The following GRM7 variants were observed in gnomAD, a reference collection of about 807,000 sequenced individuals.
The protein encoded by GRM7 is glutamate metabotropic receptor 7.
A neutral mutation model predicts 84.5 loss-of-function variants in GRM7; 35 were observed. The ratio of observed to expected loss-of-function variants is 0.41; its 90% CI spans 0.32 to 0.55. The LOEUF (loss-of-function observed/expected upper bound fraction) is 0.55. GRM7 is among the 20% of genes least tolerant of loss of function. GRM7 has a pLI of 0.19. For missense variants in GRM7, 1,003 were observed against 1,194.6 expected (o/e 0.84, Z 2.36); for synonymous variants, 487 against 455.1 (o/e 1.07, Z -0.89).
intron 8 of GRM7, among the ~76,000 whole-genome samples, chr3:7,583,770 T>C (rs1340201699): frequency 6.6e-6 from 1 of 152,206 alleles, no homozygotes; most frequent in Non-Finnish European, 1.5e-5. Flanking sequence ...TAGGAAGCTA[T>C]ATATTAGTTT....
intron 1 of GRM7, among the ~76,000 whole-genome samples, chr3:7,103,749 C>CCTTTCTTTCTTTCTTTCTCTCTCTTT: frequency 1.0e-5 from 1 of 96,662 alleles, no homozygotes; most frequent in African/African-American, 5.3e-5. Context: ...TCTCTCTCTC[C>CCTTTCTTTCTTTCTTTCTCTCTCTTT]CTTTCTTTCT....
chr3:7,533,467 G>C (rs1435019455), intron 7 of GRM7, among the ~76,000 whole-genome samples: 1 of 152,142 alleles, frequency 6.6e-6, no homozygotes, highest in Non-Finnish European at 1.5e-5. Flanking sequence ...AGACCACAAT[G>C]TACCAGAATC....
At chr3:7,637,720 A>T (rs1698164615) in intron 8 of GRM7, among the ~76,000 whole-genome samples, 1 of 152,194 alleles carries the variant, frequency 6.6e-6, no homozygotes, top group African/African-American at 2.4e-5. Context: ...GTCAACCTGA[A>T]CAATGGTGTT....
intron 1 of GRM7, among the ~76,000 whole-genome samples, chr3:6,998,098 A>C (rs890473406): frequency 2.4e-5 from 3 of 122,474 alleles, no homozygotes; most frequent in Non-Finnish European, 3.6e-5. Context: ...CAGCCTGGGC[A>C]AAAACAGCAA....
intron 1 of GRM7, among the ~76,000 whole-genome samples, chr3:6,965,633 C>T (rs1019753470): frequency 6.6e-6 from 1 of 152,082 alleles, no homozygotes; most frequent in Non-Finnish European, 1.5e-5. Flanking sequence ...CCATACCTGG[C>T]CTCTCCTTTC....
chr3:6,879,743 AT>A (rs1695438562), intron 1 of GRM7, among the ~76,000 whole-genome samples: 1 of 152,222 alleles, frequency 6.6e-6, no homozygotes, highest in Non-Finnish European at 1.5e-5. Flanking sequence ...TGAGGTTAGA[AT>A]TCAGTATCGA....
At chr3:7,442,525 T>C (rs1436665793) in intron 5 of GRM7, among the ~76,000 whole-genome samples, 1 of 151,976 alleles carries the variant, frequency 6.6e-6, no homozygotes, top group East Asian at 1.9e-4. Context: ...ATAAAACTGA[T>C]GGTTCTGAAA....
intron 7 of GRM7, among the ~76,000 whole-genome samples, chr3:7,521,644 C>G (rs1348118415): frequency 6.6e-6 from 1 of 152,150 alleles, no homozygotes; most frequent in Non-Finnish European, 1.5e-5. Context: ...TGGACTAAGA[C>G]AATCATTATC....
intron 8 of GRM7, among the ~76,000 whole-genome samples, chr3:7,674,272 A>G (rs150337664): frequency 6.6e-6 from 1 of 151,872 alleles, no homozygotes; most frequent in East Asian, 1.9e-4. Context: ...GCTCACTGCA[A>G]CCTCTGCCTT....
At chr3:6,940,063 C>A (rs1575040667) in intron 1 of GRM7, among the ~76,000 whole-genome samples, 1 of 151,912 alleles carries the variant, frequency 6.6e-6, no homozygotes, top group African/African-American at 2.4e-5. Flanking sequence ...ATTTACATAG[C>A]ACTTTTGAAA....
At position 7,452,489 on chromosome 3, in the gene GRM7, G is replaced by A. The variant is rs192708059; in HGVS notation, c.1175-118G>A. On this transcript the variant is annotated intron_variant, in intron 5 of 9. Coordinates refer to ENST00000357716, the MANE Select transcript of GRM7 (RefSeq NM_000844.4). ...TGTGGCTTGAATTACTGTATTTATC[G>A]AAGCAGTGTTTTCTTTAAGCATAAT... 59 of 725,366 alleles carry A rather than the reference G, an allele frequency of 8.1e-5. No homozygotes were observed. In the African/African-American group the frequency reaches 8.2e-4, roughly 10 times the overall value. 44.9% of individuals were successfully genotyped at this position (725,366 alleles called of 1,614,324 possible).
At chr3:7,509,756 G>A (rs986331179) in intron 7 of GRM7, among the ~76,000 whole-genome samples, 91 of 152,014 alleles carry the variant, frequency 6.0e-4, no homozygotes, top group Non-Finnish European at 5.9e-5. Flanking sequence ...CGTGACAAGC[G>A]GGGCCAAGGC....
chr3:7,496,097 G>A (rs1017112778), intron 7 of GRM7, among the ~76,000 whole-genome samples: 1 of 152,156 alleles, frequency 6.6e-6, no homozygotes, highest in Non-Finnish European at 1.5e-5. Context: ...AAGCTTCTGG[G>A]CAGAGACCTG....
chr3:7,107,115 C>A (rs1247026000), intron 1 of GRM7, among the ~76,000 whole-genome samples: 1 of 151,992 alleles, frequency 6.6e-6, no homozygotes, highest in Non-Finnish European at 1.5e-5. Context: ...AGACTCAAAA[C>A]ATGTAACATT....
rs114626695 is a variant in GRM7 at position 7,437,061 on chromosome 3, C to T, written c.1175-15546C>T. Among the ~76,000 whole-genome samples, 191 of 152,236 alleles carry T rather than the reference C, an allele frequency of 1.3e-3. 2 individuals are homozygous for T. The highest frequency in any genetic ancestry group is 4.6e-3 in the African/African-American group (190 of 41,542). On this transcript the variant is annotated intron_variant, in intron 5 of 9. Coordinates refer to ENST00000357716, the MANE Select transcript of GRM7 (RefSeq NM_000844.4). ...AACTGTTATTTCCTTTCACACCAAC[C>T]CTGTAGCATGACTTTTATTATTCAT...
intron 1 of GRM7, among the ~76,000 whole-genome samples, chr3:6,896,453 G>T (rs145730143): frequency 2.0e-5 from 3 of 152,280 alleles, no homozygotes; most frequent in South Asian, 2.1e-4. Flanking sequence ...AATAGATTTT[G>T]CTTGATATAA....
intron 2 of GRM7, among the ~76,000 whole-genome samples, chr3:7,296,500 C>G (rs559189076): frequency 3.3e-5 from 5 of 152,138 alleles, no homozygotes; most frequent in Middle Eastern, 3.4e-3. Context: ...GTTAAACCAT[C>G]TGAGCCTGAA....
chr3:7,145,489 G>T (rs922776202), intron 1 of GRM7, among the ~76,000 whole-genome samples: 3 of 152,144 alleles, frequency 2.0e-5, no homozygotes, highest in Admixed American at 1.3e-4. Context: ...ATCCCAGGCA[G>T]ACATTTTTTT....
At chr3:6,938,683 C>T (rs1388786647) in intron 1 of GRM7, among the ~76,000 whole-genome samples, 1 of 152,102 alleles carries the variant, frequency 6.6e-6, no homozygotes, top group African/African-American at 2.4e-5. Context: ...TCTCACATTT[C>T]TTAATTGGAA....
Sources: allele counts gnomAD v4.1 joint callset (sites outside exome capture counted in the v4.1 genomes callset), GRCh38; gene constraint gnomAD v4.1.1; transcripts MANE v1.5; gene names NCBI Gene and HGNC (gene_info 2026-07-23, HGNC 2026-07-21).